The following PTTG1IP variants were observed in gnomAD, a reference collection of about 807,000 sequenced individuals.
PTTG1IP encodes the protein PTTG1 interacting protein.
In PTTG1IP, 16 loss-of-function variants were observed where a neutral mutation model predicts 24.4. The observed-to-expected ratio is 0.66, with a 90% CI of 0.44 to 1.00. PTTG1IP has a LOEUF of 1.00. Among genes scored for constraint, PTTG1IP ranks in the 50% least tolerant of loss-of-function variants. The pLI, the probability that PTTG1IP is intolerant of heterozygous loss-of-function variation, is 0.00. For synonymous variants in PTTG1IP, 89 were observed against 96.8 expected, an observed-to-expected ratio of 0.92 and a Z score of 0.47; for missense variants, 241 against 245.8, an observed-to-expected ratio of 0.98 and a Z score of 0.13.
At position 44,851,503 on chromosome 21, in the gene PTTG1IP, C is replaced by T. The variant is rs777646667; in HGVS notation, c.*78G>A. On this transcript the variant is annotated 3_prime_UTR_variant, in exon 6 of 6. Coordinates refer to ENST00000330938, the MANE Select transcript of PTTG1IP (RefSeq NM_004339.4). ...GGCCAAGGTCAGGAGACCGCAATGG[C>T]CACGTGGTCTCCCGGCTGGGCTGGG... 9.3e-6 allele frequency: 15 copies of T among 1,613,712 alleles called. No individual in the cohort carries two copies. The highest frequency in any genetic ancestry group is 1.3e-5 in the African/African-American group (1 of 74,936).
At chr21:44,854,960 G>C (rs369550415) in intron 5 of PTTG1IP, among the ~76,000 whole-genome samples, 4 of 152,226 alleles carry the variant, frequency 2.6e-5, no homozygotes, top group African/African-American at 9.6e-5. Flanking sequence ...CTTGGGACTC[G>C]ATAAGCAAAC....
Position 44,851,538 on chromosome 21 carries a change from G to A in PTTG1IP, c.*43C>T, listed in dbSNP as rs1365165926. 4 of 1,613,748 alleles carry A rather than the reference G, an allele frequency of 2.5e-6. No individual in the cohort carries two copies. The highest frequency in any genetic ancestry group is 2.2e-5 in the East Asian group (1 of 44,854). ...TCCCGGCTGGGCTGGGCTGCGGAGC[G>A]TGCACCTCACAGGAAGCGTCGGGAC... On this transcript the variant is annotated 3_prime_UTR_variant, in exon 6 of 6. Coordinates refer to ENST00000330938, the MANE Select transcript of PTTG1IP (RefSeq NM_004339.4).
intron 2 of PTTG1IP, among the ~76,000 whole-genome samples, chr21:44,862,427 G>A (rs893571421): frequency 6.6e-6 from 1 of 152,254 alleles, no homozygotes; most frequent in Non-Finnish European, 1.5e-5. Flanking sequence ...GCTGAGGCAG[G>A]AGAATCGCTT....
At chr21:44,860,159 G>A (rs888762600) in intron 3 of PTTG1IP, among the ~76,000 whole-genome samples, 1 of 152,174 alleles carries the variant, frequency 6.6e-6, no homozygotes, top group African/African-American at 2.4e-5. Flanking sequence ...ATGAGGTCAG[G>A]AGATCGAGAC....
chr21:44,852,299 C>T lies in PTTG1IP; in HGVS notation c.497-672G>A, dbSNP rs139475927. ...CTGGGTTCAAGGAATTCTCCTGCCTCAGCCTCCGGGTAGCTAGGACTGCAG... is the reference window on the plus strand; with the variant it reads ...CTGGGTTCAAGGAATTCTCCTGCCTTAGCCTCCGGGTAGCTAGGACTGCAG... On this transcript the variant is annotated intron_variant, in intron 5 of 5. Coordinates refer to ENST00000330938, the MANE Select transcript of PTTG1IP (RefSeq NM_004339.4). 1.4e-3 allele frequency among the ~76,000 whole-genome samples: 209 copies of T among 152,240 alleles called. 2 individuals carry two copies. Among genetic ancestry groups the T allele is most frequent in the African/African-American group, 4.9e-3 (204 of 41,532 alleles).
chr21:44,856,787 C>CT (rs559165106), intron 3 of PTTG1IP, among the ~76,000 whole-genome samples: 52 of 151,538 alleles, frequency 3.4e-4, no homozygotes, highest in African/African-American at 6.1e-4. Flanking sequence ...ATGCAGCTTT[C>CT]TTTTTTTTTA....
chr21:44,864,262 C>A (rs1042551459), intron 2 of PTTG1IP, among the ~76,000 whole-genome samples: 6 of 152,258 alleles, frequency 3.9e-5, no homozygotes, highest in African/African-American at 1.4e-4. Flanking sequence ...GATTTCATAG[C>A]GCTGCGAGGA....
chr21:44,865,366 C>T, intron 2 of PTTG1IP, 29 bp downstream of exon 2: 1 of 1,611,580 alleles, frequency 6.2e-7, no homozygotes, highest in Non-Finnish European at 8.5e-7. Flanking sequence ...CTGGACGGCA[C>T]TCTGGTCTCT....
At chr21:44,863,085 AACACAGAGACACACAGCCCGCCACG>A in intron 2 of PTTG1IP, among the ~76,000 whole-genome samples, 1 of 132,180 alleles carries the variant, frequency 7.6e-6, no homozygotes, top group South Asian at 2.5e-4. Context: ...CGGCCTCGGC[AACACAGAGACACACAGCCCGCCACG>A]GCCTCAGCAG....
At position 44,855,261 on chromosome 21, in the gene PTTG1IP, A is replaced by C. The variant is rs1569321535; in HGVS notation, c.450-5T>G. On this transcript the variant is annotated splice_region_variant and splice_polypyrimidine_tract_variant and intron_variant, in intron 4 of 5. Transcript: ENST00000330938. ...CTTGTCTTCATCTCTGCTCTCCTAA[A>C]ACACAGAGGAACATTATGAGCACCA... 6.2e-7 allele frequency: 1 copy of C among 1,609,538 alleles called. No homozygotes were observed. Among genetic ancestry groups the C allele is most frequent in the South Asian group, 1.1e-5 (1 of 90,966 alleles).
At chr21:44,870,865 A>G (rs1165745152) in intron 1 of PTTG1IP, among the ~76,000 whole-genome samples, 2 of 152,244 alleles carry the variant, frequency 1.3e-5, no homozygotes, top group East Asian at 1.9e-4. Context: ...CCAACCCTCC[A>G]TGACCCATTT....
At chr21:44,855,321 G>A (rs1415264327) in intron 4 of PTTG1IP, 65 bp from the exon 5 acceptor site, 14 of 1,511,938 alleles carry the variant, frequency 9.3e-6, no homozygotes, top group East Asian at 2.3e-5. Context: ...TGCTAGACAC[G>A]CCCTTCCGTG....
chr21:44,859,914 A>C (rs527251281), intron 3 of PTTG1IP, among the ~76,000 whole-genome samples: 1 of 152,342 alleles, frequency 6.6e-6, no homozygotes, highest in African/African-American at 2.4e-5. Context: ...AGATGCAAAT[A>C]AACAAAAAGA....
intron 3 of PTTG1IP, among the ~76,000 whole-genome samples, chr21:44,858,327 G>A (rs755274532): frequency 6.6e-6 from 1 of 152,214 alleles, no homozygotes; most frequent in African/African-American, 2.4e-5. Flanking sequence ...GACCTAAAAC[G>A]GGTATCATGT....
At chr21:44,859,754 C>G (rs1197033313) in intron 3 of PTTG1IP, among the ~76,000 whole-genome samples, 1 of 152,086 alleles carries the variant, frequency 6.6e-6, no homozygotes, top group African/African-American at 2.4e-5. Flanking sequence ...GCCAGACATC[C>G]CACACTACAA....
chr21:44,862,079 CGT>C (rs753866678), intron 2 of PTTG1IP: 2,094 of 525,360 alleles, frequency 4.0e-3, no homozygotes, highest in East Asian at 6.7e-3. Context: ...CCATCACACC[CGT>C]GTGTGTGTGT....
Position 44,873,612 on chromosome 21 carries a change from G to A in PTTG1IP, c.5C>T (p.Ala2Val). Reference protein sequence around the residue: MAPGVARGPTPY... With the variant: MVPGVARGPTPY... ...CGTCGGCCCGCGGGCCACTCCGGGC[G>A]CCATGGTCGGCCGGTCGCTCTATCA... Residue 2 changes from alanine (A) to valine (V), a missense_variant, in exon 1 of 6, where the codon GCG becomes GTG. Transcript: ENST00000330938. 7.0e-7 allele frequency: 1 copy of A among 1,427,776 alleles called. No homozygotes were observed. The highest frequency in any genetic ancestry group is 9.1e-7 in the Non-Finnish European group (1 of 1,093,104). The allele number at this position is 1,427,776 out of a possible 1,614,324, so 88.4% of individuals were successfully genotyped here. A position where few individuals can be genotyped will look rare whatever the true frequency, so the allele number is the denominator to read the frequency against.
chr21:44,857,933 T>C (rs1011544628), intron 3 of PTTG1IP, among the ~76,000 whole-genome samples: 2 of 152,252 alleles, frequency 1.3e-5, no homozygotes, highest in Non-Finnish European at 1.5e-5. Flanking sequence ...TGTCATTTTC[T>C]GACTGGAGAA....
chr21:44,856,449 A>C (rs2083450586), intron 3 of PTTG1IP, 85 bp from the exon 4 acceptor site: 37 of 1,421,844 alleles, frequency 2.6e-5, no homozygotes, highest in Non-Finnish European at 3.5e-5. Context: ...CCTGGGGAAC[A>C]ACCTCAGGAC....
Sources: gnomAD v4.1 joint callset for allele counts (sites outside exome capture counted in the v4.1 genomes callset) on GRCh38, gnomAD v4.1.1 for gene constraint, MANE v1.5 for transcripts, NCBI Gene and HGNC (gene_info 2026-07-23, HGNC 2026-07-21) for gene names.